Variants in PCDH15 observed in about 807,000 individuals in gnomAD.
PCDH15 encodes the protein protocadherin related 15, also known as protocadherin-15.
PCDH15 carries 129 observed loss-of-function variants against 178.5 expected under a neutral mutation model. That is an observed-to-expected ratio of 0.72 (90% CI 0.63 to 0.84). The LOEUF (loss-of-function observed/expected upper bound fraction) is 0.84. Among genes scored for constraint, PCDH15 ranks in the 40% least tolerant of loss-of-function variants. PCDH15 has a pLI of 0.00. For missense variants in PCDH15, 2,230 were observed against 2,099.9 expected (o/e 1.06, Z -1.21); for synonymous variants, 800 against 732.0 (o/e 1.09, Z -1.50).
At chr10:55,042,054 G>C (rs1288144105) in intron 2 of PCDH15, among the ~76,000 whole-genome samples, 1 of 152,100 alleles carries the variant, frequency 6.6e-6, no homozygotes, top group Non-Finnish European at 1.5e-5. Flanking sequence ...TACAAGGCGG[G>C]AAGAGTTAGC....
intron 1 of PCDH15, among the ~76,000 whole-genome samples, chr10:55,311,513 T>C (rs1843587516): frequency 6.6e-6 from 1 of 152,230 alleles, no homozygotes; most frequent in Non-Finnish European, 1.5e-5. Flanking sequence ...TTACCGAAGG[T>C]ATTTAACCAA....
intron 13 of PCDH15, among the ~76,000 whole-genome samples, chr10:54,162,314 T>C (rs566750650): frequency 6.6e-6 from 1 of 152,304 alleles, no homozygotes; most frequent in African/African-American, 2.4e-5. Context: ...AACTCCATGC[T>C]ACCTTTGTAA....
At chr10:53,824,332 T>C (rs546084668) in intron 32 of PCDH15, among the ~76,000 whole-genome samples, 7 of 152,282 alleles carry the variant, frequency 4.6e-5, no homozygotes, top group South Asian at 2.1e-4. Flanking sequence ...CGAATTCTCA[T>C]TAGCTTTTAC....
At chr10:55,023,861 T>G (rs1840402230) in intron 2 of PCDH15, among the ~76,000 whole-genome samples, 1 of 134,796 alleles carries the variant, frequency 7.4e-6, no homozygotes, top group Non-Finnish European at 1.6e-5. Flanking sequence ...ATATATATAT[T>G]CCTTCCTATA....
intron 3 of PCDH15, among the ~76,000 whole-genome samples, chr10:54,398,370 A>C (rs903502811): frequency 6.6e-6 from 1 of 152,000 alleles, no homozygotes; most frequent in African/African-American, 2.4e-5. Flanking sequence ...TGAATCTCAA[A>C]TAAACTTTAT....
At chr10:54,696,370 T>A (rs1374491473) in intron 1 of PCDH15, among the ~76,000 whole-genome samples, 2 of 152,104 alleles carry the variant, frequency 1.3e-5, no homozygotes, top group African/African-American at 2.4e-5. Flanking sequence ...TGAGCAACTG[T>A]TTTGTGTGGA....
At chr10:54,870,568 G>T (rs970623670) in intron 3 of PCDH15, among the ~76,000 whole-genome samples, 1 of 152,040 alleles carries the variant, frequency 6.6e-6, no homozygotes, top group African/African-American at 2.4e-5. Context: ...GGCGGATCAC[G>T]AGGTCAGGAG....
At chr10:54,719,400 T>C (rs2132477542) in intron 1 of PCDH15, among the ~76,000 whole-genome samples, 1 of 152,168 alleles carries the variant, frequency 6.6e-6, no homozygotes, top group East Asian at 1.9e-4. Flanking sequence ...CTGTAAGTAT[T>C]CCAGAGGAAG....
chr10:54,992,302 T>G (rs1839521142), intron 2 of PCDH15, among the ~76,000 whole-genome samples: 1 of 152,080 alleles, frequency 6.6e-6, no homozygotes, highest in Non-Finnish European at 1.5e-5. Context: ...TAACTACTGG[T>G]CAAAACATGA....
intron 3 of PCDH15, among the ~76,000 whole-genome samples, chr10:54,421,718 TA>T (rs1955394986): frequency 7.5e-6 from 1 of 132,810 alleles, no homozygotes; most frequent in Non-Finnish European, 1.6e-5. Flanking sequence ...ACACTATATA[TA>T]TTTTTGTGTT....
At chr10:55,057,713 C>T (rs897512993) in intron 2 of PCDH15, among the ~76,000 whole-genome samples, 4 of 152,182 alleles carry the variant, frequency 2.6e-5, no homozygotes, top group African/African-American at 9.7e-5. Context: ...CCTTGTCCTA[C>T]CAACTTAGAC....
chr10:55,087,886 A>T (rs912495817), intron 2 of PCDH15, among the ~76,000 whole-genome samples: 5 of 152,152 alleles, frequency 3.3e-5, no homozygotes, highest in Non-Finnish European at 4.4e-5. Context: ...AATAAAATAC[A>T]TGAGTGAATT....
At chr10:54,388,051 G>T (rs1235519705) in intron 3 of PCDH15, among the ~76,000 whole-genome samples, 2 of 152,116 alleles carry the variant, frequency 1.3e-5, no homozygotes, top group Non-Finnish European at 2.9e-5. Flanking sequence ...AATGGATAGT[G>T]GTAATGGCTG....
At chr10:54,303,771 C>G (rs2133317454) in intron 8 of PCDH15, among the ~76,000 whole-genome samples, 1 of 152,222 alleles carries the variant, frequency 6.6e-6, no homozygotes, top group South Asian at 2.1e-4. Flanking sequence ...GACAAATAAG[C>G]ATTCTGAGTA....
At chr10:53,830,058 C>T (rs976499573) in intron 30 of PCDH15, among the ~76,000 whole-genome samples, 5 of 152,088 alleles carry the variant, frequency 3.3e-5, no homozygotes, top group Admixed American at 2.0e-4. Flanking sequence ...AATCCCAGCA[C>T]TTTGGGAGGC....
chr10:55,331,165 A>AT (rs1844189199), intron 2 of PCDH15, among the ~76,000 whole-genome samples: 1 of 151,926 alleles, frequency 6.6e-6, no homozygotes, highest in Non-Finnish European at 1.5e-5. Flanking sequence ...TTCCTTTGCC[A>AT]AAAACAGTGT....
chr10:54,310,244 T>A (rs2060822509), intron 8 of PCDH15, among the ~76,000 whole-genome samples: 1 of 152,018 alleles, frequency 6.6e-6, no homozygotes, highest in South Asian at 2.1e-4. Context: ...CTGAACCTTT[T>A]TAAACACCAA....
intron 1 of PCDH15, among the ~76,000 whole-genome samples, chr10:55,276,106 A>T (rs1382607556): frequency 1.3e-5 from 2 of 151,116 alleles, no homozygotes; most frequent in African/African-American, 4.8e-5. Context: ...TAACTTAAAA[A>T]AATTCGTATT....
chr10:54,228,967 C>T (rs979434780), intron 9 of PCDH15, among the ~76,000 whole-genome samples: 1 of 152,164 alleles, frequency 6.6e-6, no homozygotes, highest in African/African-American at 2.4e-5. Flanking sequence ...ATTGCAGTGA[C>T]TTTTAGTTTA....
Sources: allele counts gnomAD v4.1 joint callset (sites outside exome capture counted in the v4.1 genomes callset), GRCh38; gene constraint gnomAD v4.1.1; transcripts MANE v1.5; gene names NCBI Gene and HGNC (gene_info 2026-07-23, HGNC 2026-07-21).